ENOX2: variants seen among roughly 807,000 people sequenced by gnomAD.
ENOX2 encodes APK1 antigen.
Under a neutral mutation model 45.0 loss-of-function variants are expected in ENOX2, and 36 were observed. The ratio of observed to expected loss-of-function variants is 0.80; its 90% CI spans 0.61 to 1.06. The LOEUF (loss-of-function observed/expected upper bound fraction) is 1.06, where lower values mean the gene tolerates loss of function less well. Among genes scored for constraint, ENOX2 ranks in the 50% least tolerant of loss-of-function variants. The pLI is 0.00. For missense variants in ENOX2, 423 were observed against 462.5 expected (o/e 0.91, Z 0.78); for synonymous variants, 174 against 152.3 (o/e 1.14, Z -1.05).
chrX:130,742,245 CTTTTTTTTTTTTT>C (rs67776619), intron 3 of ENOX2, among the ~76,000 whole-genome samples: 48 of 60,146 alleles, frequency 8.0e-4, no homozygotes, highest in African/African-American at 3.2e-3. Flanking sequence ...AGATAATTTC[CTTTTTTTTTTTTT>C]TTTTTTTTTT....
intron 4 of ENOX2, among the ~76,000 whole-genome samples, chrX:130,696,289 C>CCTCA (rs2037757788): frequency 8.9e-6 from 1 of 111,817 alleles, no homozygotes; most frequent in Admixed American, 9.5e-5. Context: ...TATTCATTTA[C>CCTCA]ACTGTGTTCT....
intron 2 of ENOX2, among the ~76,000 whole-genome samples, chrX:130,855,934 G>A (rs2078300268): frequency 9.0e-6 from 1 of 111,711 alleles, no homozygotes; most frequent in African/African-American, 3.3e-5. Flanking sequence ...ATTTCATAAG[G>A]ATGATATACA....
chrX:130,893,867 G>A (rs2079019550), intron 2 of ENOX2, among the ~76,000 whole-genome samples: 1 of 111,845 alleles, frequency 8.9e-6, no homozygotes, highest in African/African-American at 3.2e-5. Flanking sequence ...CCCAAGGGCA[G>A]CTGACCAGCA....
intron 3 of ENOX2, among the ~76,000 whole-genome samples, chrX:130,761,235 T>C (rs759481506): frequency 4.5e-5 from 5 of 111,988 alleles, no homozygotes; most frequent in Non-Finnish European, 9.4e-5. Context: ...AGAGATTTTA[T>C]AGAATTTGTG....
chrX:130,837,093 G>A (rs1220180650), intron 2 of ENOX2, among the ~76,000 whole-genome samples: 1 of 112,226 alleles, frequency 8.9e-6, no homozygotes. Context: ...AAAATTGAAA[G>A]TGTTGGAATT....
chrX:130,653,207 C>T (rs910969270), intron 10 of ENOX2, among the ~76,000 whole-genome samples: 1 of 111,877 alleles, frequency 8.9e-6, no homozygotes, highest in Non-Finnish European at 1.9e-5. Context: ...CCATTTTTGT[C>T]TCAGTTCCTC....
At chrX:130,869,011 G>A (rs902989012) in intron 2 of ENOX2, among the ~76,000 whole-genome samples, 3 of 111,974 alleles carry the variant, frequency 2.7e-5, no homozygotes, top group Non-Finnish European at 5.6e-5. Context: ...ATTGGAGAAT[G>A]TATGTTCCAT....
At chrX:130,872,820 T>C (rs927645117) in intron 2 of ENOX2, among the ~76,000 whole-genome samples, 2 of 111,465 alleles carry the variant, frequency 1.8e-5, no homozygotes, top group African/African-American at 6.5e-5. Flanking sequence ...TAATAAACGG[T>C]GTTGGGAAAA....
intron 4 of ENOX2, among the ~76,000 whole-genome samples, chrX:130,690,917 A>C (rs1056793642): frequency 9.0e-6 from 1 of 111,444 alleles, no homozygotes; most frequent in Non-Finnish European, 1.9e-5. Flanking sequence ...CAAGACCCTG[A>C]AAATGTTTGG....
At chrX:130,690,986 C>T (rs1411428258) in intron 4 of ENOX2, among the ~76,000 whole-genome samples, 1 of 110,651 alleles carries the variant, frequency 9.0e-6, no homozygotes, top group Non-Finnish European at 1.9e-5. Context: ...TACTTTTAGC[C>T]CTCAAATGTC....
At chrX:130,679,008 T>C (rs1187886147) in intron 6 of ENOX2, among the ~76,000 whole-genome samples, 2 of 111,482 alleles carry the variant, frequency 1.8e-5, no homozygotes, top group African/African-American at 6.5e-5. Context: ...GAGACAGTTC[T>C]AGCATGGTAC....
At chrX:130,741,099 A>G (rs1479178163) in intron 3 of ENOX2, among the ~76,000 whole-genome samples, 1 of 112,064 alleles carries the variant, frequency 8.9e-6, no homozygotes, top group Non-Finnish European at 1.9e-5. Context: ...TTCATATGGA[A>G]AAACTAAAAA....
intron 2 of ENOX2, among the ~76,000 whole-genome samples, chrX:130,856,305 C>T (rs1202297182): frequency 8.9e-6 from 1 of 112,506 alleles, no homozygotes; most frequent in Non-Finnish European, 1.9e-5. Flanking sequence ...TGTTTCCCAT[C>T]ATGCTGAAGA....
At chrX:130,781,037 T>G (rs994340044) in intron 3 of ENOX2, among the ~76,000 whole-genome samples, 4 of 112,012 alleles carry the variant, frequency 3.6e-5, no homozygotes, top group Middle Eastern at 4.6e-3. Flanking sequence ...CTCTTCCTTT[T>G]GTCTAGTACT....
intron 13 of ENOX2, 37 bp downstream of exon 13, chrX:130,631,431 G>A (rs751185600): frequency 2.6e-6 from 2 of 764,549 alleles, no homozygotes; most frequent in Admixed American, 2.2e-5. Context: ...ATTGTACCCA[G>A]GCATTGTACG....
rs763536213 is a variant in ENOX2, at chrX:130,842,667, C to T, written c.-182-58977G>A. 1.1e-4 allele frequency among the ~76,000 whole-genome samples: 12 copies of T among 112,141 alleles called. No homozygotes were observed. In the South Asian group the frequency reaches 4.5e-3, roughly 42 times the overall value. On this transcript the variant is annotated intron_variant, in intron 2 of 14. Coordinates refer to ENST00000394363, the MANE Select transcript of ENOX2 (RefSeq NM_006375.4). ...TATTCGTTCTCTCTGCAGCACTAAA[C>T]TCTGCTAATTATTCCTACTTTCTTG...
chrX:130,730,395 TC>T (rs2148291772), intron 3 of ENOX2, among the ~76,000 whole-genome samples: 1 of 112,441 alleles, frequency 8.9e-6, no homozygotes, highest in African/African-American at 3.2e-5. Context: ...CAGAAACCAG[TC>T]CTATGTTGCT....
chrX:130,758,838 A>G (rs1297862956), intron 3 of ENOX2, among the ~76,000 whole-genome samples: 1 of 111,680 alleles, frequency 9.0e-6, no homozygotes, highest in Non-Finnish European at 1.9e-5. Flanking sequence ...CTTTTAAAAC[A>G]CTTATTTGCC....
intron 3 of ENOX2, among the ~76,000 whole-genome samples, chrX:130,766,055 C>T (rs1165886138): frequency 9.0e-6 from 1 of 111,303 alleles, no homozygotes; most frequent in African/African-American, 3.3e-5. Flanking sequence ...TATTTATATG[C>T]AATAGATGTC....
Sources: allele counts gnomAD v4.1 joint callset (sites outside exome capture counted in the v4.1 genomes callset), GRCh38; gene constraint gnomAD v4.1.1; transcripts MANE v1.5; gene names NCBI Gene and HGNC (gene_info 2026-07-23, HGNC 2026-07-21).